Variants in SCNN1D observed in about 807,000 individuals in gnomAD.
The protein encoded by SCNN1D is sodium channel epithelial 1 subunit delta.
SCNN1D carries 104 observed loss-of-function variants against 87.8 expected under a neutral mutation model. The observed-to-expected ratio is 1.18, with a 90% confidence interval of 1.01 to 1.39. The LOEUF (loss-of-function observed/expected upper bound fraction) is 1.39. Among genes scored for constraint, SCNN1D ranks in the 40% most tolerant of loss-of-function variants. The probability of loss-of-function intolerance (pLI) is 0.00; values close to 1 mark genes in which losing one functional copy is unlikely to be tolerated. For synonymous variants in SCNN1D, 628 were observed against 481.2 expected, an observed-to-expected ratio of 1.31 and a Z score of -3.99; for missense variants, 1,324 against 1,093.9, an observed-to-expected ratio of 1.21 and a Z score of -2.97.
intron 4 of SCNN1D, 28 bp from the exon 5 acceptor site, chr1:1,283,950 C>T: frequency 2.9e-6 from 4 of 1,371,214 alleles, no homozygotes; most frequent in Non-Finnish European, 3.9e-6. Context: ...CAGCACAGTC[C>T]CACGCCCAGC....
chr1:1,285,761 T>G, intron 6 of SCNN1D, 97 bp downstream of exon 6: 1 of 1,228,538 alleles, frequency 8.1e-7, no homozygotes, highest in South Asian at 1.5e-5. Flanking sequence ...CAGGGACGGG[T>G]GTATCCGGGG....
At chr1:1,289,874 CCGTGTCTCTGCTCCGT>C (rs1640727335) in intron 12 of SCNN1D, among the ~76,000 whole-genome samples, 1 of 25,388 alleles carries the variant, frequency 3.9e-5, no homozygotes, top group Non-Finnish European at 6.2e-5. Flanking sequence ...CTGCTCCGTC[CCGTGTCTCTGCTCCGT>C]CCCGTGTCTC....
chr1:1,290,430 C>T (rs563442735), intron 13 of SCNN1D, 42 bp downstream of exon 13: 58 of 1,610,660 alleles, frequency 3.6e-5, no homozygotes, highest in East Asian at 2.5e-4. Flanking sequence ...AGCCATTAGC[C>T]GGGGGGTCAC....
intron 7 of SCNN1D, 121 bp from the exon 8 acceptor site, chr1:1,286,647 C>T: frequency 1.0e-6 from 1 of 960,716 alleles, no homozygotes; most frequent in Non-Finnish European, 1.6e-6. Flanking sequence ...CTGGGTCCAG[C>T]TCACCCCACT....
In SCNN1D at chr1:1,281,579, ACT is replaced by A. The variant is rs1428164149; in HGVS notation, c.251_252del (p.Ser84TrpfsTer12). 4 of 1,535,390 alleles carry A rather than the reference ACT, an allele frequency of 2.6e-6. No homozygotes were observed. The highest frequency in any genetic ancestry group is 2.0e-5 in the Admixed American group (1 of 50,966). ...TGCTCTGTGGCTACCCCCTCTGCCT[ACT>A]CTCTGGCCCGATACAGGGGTGTGGG... is the stretch of plus-strand genomic sequence containing the variant. ...HVLCGYPLCL[L>X]SGPIQGCGTG... is the part of the protein sequence containing the mutation. On this transcript the variant is annotated frameshift_variant, in exon 3 of 18. Coordinates refer to ENST00000379116, the MANE Select transcript of SCNN1D (RefSeq NM_001130413.4). LOFTEE classifies it high-confidence loss of function.
chr1:1,281,102 C>T, intron 1 of SCNN1D, 124 bp from the exon 2 acceptor site: 1 of 928,434 alleles, frequency 1.1e-6, no homozygotes, highest in Non-Finnish European at 1.6e-6. Context: ...TGCACCAGAA[C>T]CGTCCCAGGG....
At chr1:1,282,432 G>C in intron 4 of SCNN1D, 117 bp downstream of exon 4, 1 of 1,214,010 alleles carries the variant, frequency 8.2e-7, no homozygotes, top group South Asian at 1.5e-5. Flanking sequence ...CAGGAACACA[G>C]AGCCTACCCT....
Position 1,285,767 on chromosome 1 carries a change from C to G in SCNN1D, c.558+103C>G, listed in dbSNP as rs149763169. The G allele has an allele frequency of 8.5e-4, 1,041 of 1,219,044 alleles. 10 individuals carry two copies. The African/African-American group carries it at 0.015, about 17-fold the overall frequency. 75.5% of individuals were successfully genotyped at this position (1,219,044 alleles called of 1,614,324 possible). ...GAGACGTGTCAGGGACGGGTGTATCCGGGGAGAAGGGCGCAGTGTCAGAGC... is the reference window on the plus strand; with the variant it reads ...GAGACGTGTCAGGGACGGGTGTATCGGGGGAGAAGGGCGCAGTGTCAGAGC... On this transcript the variant is annotated intron_variant, in intron 6 of 17. Transcript: ENST00000379116.
At position 1,291,784 on chromosome 1, in the gene SCNN1D, C is replaced by T; in HGVS notation, c.*174C>T. 2.0e-6 allele frequency: 1 copy of T among 500,818 alleles called. No individual in the cohort carries two copies. Among genetic ancestry groups the T allele is most frequent in the South Asian group, 3.9e-5 (1 of 25,454 alleles). 31.0% of individuals were successfully genotyped at this position (500,818 alleles called of 1,614,324 possible). A position where few individuals can be genotyped will look rare whatever the true frequency, so the allele number is the denominator to read the frequency against. ...GCCTCTGGTCAAACCACCTACACTG[C>T]CTGGGGTGGGTCTCAAGGAGGCCCG... On this transcript the variant is annotated 3_prime_UTR_variant, in exon 18 of 18. Coordinates refer to ENST00000379116, the MANE Select transcript of SCNN1D (RefSeq NM_001130413.4).
At chr1:1,280,977 G>A (rs764134489) in intron 1 of SCNN1D, 35 of 590,962 alleles carry the variant, frequency 5.9e-5, no homozygotes, top group Non-Finnish European at 9.1e-5. Context: ...CGGGGCCGAG[G>A]GGGCTCTGCC....
At chr1:1,283,794 C>T (rs776603907) in intron 4 of SCNN1D, among the ~76,000 whole-genome samples, 184 bp from the exon 5 acceptor site, 5 of 151,786 alleles carry the variant, frequency 3.3e-5, no homozygotes, top group Non-Finnish European at 7.4e-5. Context: ...TTACTCTCAG[C>T]CAGGGTCAGG....
Position 1,281,581 on chromosome 1 carries a change from T to G in SCNN1D, c.248T>G (p.Leu83Arg). Residue 83 changes from leucine (L) to arginine (R), a missense_variant, in exon 3 of 18, where the codon CTC becomes CGC. By Grantham distance (102) the Leu-to-Arg change is moderately radical. Coordinates refer to ENST00000379116, the MANE Select transcript of SCNN1D (RefSeq NM_001130413.4). ...CTCTGTGGCTACCCCCTCTGCCTAC[T>G]CTCTGGCCCGATACAGGGGTGTGGG... ...HVLCGYPLCL[L>R]SGPIQGCGTG... is the part of the protein sequence containing the mutation. 2.0e-6 allele frequency: 3 copies of G among 1,535,728 alleles called. No homozygotes were observed. Among genetic ancestry groups the G allele is most frequent in the Non-Finnish European group, 2.6e-6 (3 of 1,146,774 alleles).
At position 1,291,877 on chromosome 1, in the gene SCNN1D, T is replaced by C. The variant is rs1027846512; in HGVS notation, c.*267T>C. 3 of 377,706 alleles carry C rather than the reference T, an allele frequency of 7.9e-6. No individual in the cohort carries two copies. The highest frequency in any genetic ancestry group is 8.4e-5 in the Admixed American group (2 of 23,792). The allele number at this position is 377,706 out of a possible 1,614,324, so 23.4% of individuals were successfully genotyped here. A position where few individuals can be genotyped will look rare whatever the true frequency, so the allele number is the denominator to read the frequency against. On this transcript the variant is annotated 3_prime_UTR_variant, in exon 18 of 18. Transcript: ENST00000379116. Reference sequence around the variant, plus strand: ...GTGCCGACACGCGGTGATGTACCCATGCTCCGTGTGTCTGTGTCTGCATGT... The same window carrying C: ...GTGCCGACACGCGGTGATGTACCCACGCTCCGTGTGTCTGTGTCTGCATGT...
intron 3 of SCNN1D, chr1:1,281,845 TTC>T (rs1220867075): frequency 5.1e-6 from 3 of 586,132 alleles, no homozygotes; most frequent in Non-Finnish European, 9.1e-6. Flanking sequence ...CCTGGGCTCT[TTC>T]TCTCTCTGCA....
Position 1,290,957 on chromosome 1 carries a change from G to A in SCNN1D, c.1976+4G>A, listed in dbSNP as rs765375320. 3.7e-6 allele frequency: 6 copies of A among 1,606,762 alleles called. No homozygotes were observed. Among genetic ancestry groups the A allele is most frequent in the South Asian group, 2.2e-5 (2 of 90,110 alleles). The stretch of plus-strand genomic sequence containing the variant: ...CGCATCAGAGCCACAGACAGAGGTG[G>A]GTGCACCCTCCCCCTCCAGAGAGGC... On this transcript the variant is annotated splice_donor_region_variant and intron_variant, in intron 16 of 17. Coordinates refer to ENST00000379116, the MANE Select transcript of SCNN1D (RefSeq NM_001130413.4).
intron 9 of SCNN1D, 35 bp downstream of exon 9, chr1:1,287,334 C>G (rs533521261): frequency 1.4e-5 from 22 of 1,537,064 alleles, no homozygotes; most frequent in African/African-American, 4.1e-5. Context: ...TCCTTCCGTC[C>G]CACCCCACAG....
rs566273036 is a variant in SCNN1D, at chr1:1,287,238, G to A, written c.1249G>A (p.Gly417Arg). 366 of 1,611,382 alleles carry A rather than the reference G, an allele frequency of 2.3e-4. 3 individuals are homozygous for A. The South Asian group carries it at 2.9e-3, about 13-fold the overall frequency. ...GCCCGCGGCATGGGAGGACAGCCACGGGAGCCAGGACGGCCACTTCGTCCT... is the reference window on the plus strand; with the variant it reads ...GCCCGCGGCATGGGAGGACAGCCACAGGAGCCAGGACGGCCACTTCGTCCT... ...LLPAAWEDSH[G>R]SQDGHFVLSC... Residue 417 changes from glycine to arginine, a missense_variant, in exon 9 of 18, where the codon GGG becomes AGG. Coordinates refer to ENST00000379116, the MANE Select transcript of SCNN1D (RefSeq NM_001130413.4).
rs753657802 is a variant in SCNN1D at position 1,287,217 on chromosome 1, G to C, written c.1228G>C (p.Ala410Pro). The C allele has an allele frequency of 4.3e-6, 7 of 1,611,914 alleles. No individual in the cohort carries two copies. The highest frequency in any genetic ancestry group is 4.2e-6 in the Non-Finnish European group (5 of 1,179,564). ...HYVDILALLP[A>P]AWEDSHGSQD... is the part of the protein sequence containing the mutation. ...TGTGGATATCCTGGCCCTGCTGCCCGCGGCATGGGAGGACAGCCACGGGAG... is the reference window on the plus strand; with the variant it reads ...TGTGGATATCCTGGCCCTGCTGCCCCCGGCATGGGAGGACAGCCACGGGAG... The change falls in exon 9 of 18, where the codon GCG (alanine) becomes CCG (proline). Residue 410 changes from alanine to proline, a missense_variant. Transcript: ENST00000379116.
rs767981105 is a variant in SCNN1D, at chr1:1,287,845, G to A, written c.1563+9G>A. ...CCATCAGCATCCGAGAGGTGAGCTG[G>A]CCTCTGCAGCCAACCTCCGGCCCAG... On this transcript the variant is annotated intron_variant, in intron 11 of 17. Transcript: ENST00000379116. 4 of 1,530,324 alleles carry A rather than the reference G, an allele frequency of 2.6e-6. No individual in the cohort carries two copies. The highest frequency in any genetic ancestry group is 1.4e-5 in the African/African-American group (1 of 72,840). The allele number at this position is 1,530,324 out of a possible 1,614,324, so 94.8% of individuals were successfully genotyped here. A position where few individuals can be genotyped will look rare whatever the true frequency, so the allele number is the denominator to read the frequency against.
Sources: allele counts gnomAD v4.1 joint callset (sites outside exome capture counted in the v4.1 genomes callset), GRCh38; gene constraint gnomAD v4.1.1; transcripts MANE v1.5; gene names NCBI Gene and HGNC (gene_info 2026-07-23, HGNC 2026-07-21).